SPTA1: variants seen among roughly 807,000 people sequenced by gnomAD.
SPTA1 encodes the protein spectrin alpha, erythrocytic 1.
A neutral mutation model predicts 324.7 loss-of-function variants in SPTA1; 177 were observed. That is an observed-to-expected ratio of 0.55 (90% CI 0.48 to 0.62). The LOEUF (loss-of-function observed/expected upper bound fraction) is 0.62, where lower values mean the gene tolerates loss of function less well. Among genes scored for constraint, SPTA1 ranks in the 20% least tolerant of loss-of-function variants. The pLI is 0.00. For missense variants in SPTA1, 3,162 were observed against 2,883.6 expected (o/e 1.10, Z -2.21); for synonymous variants, 1,195 against 1,041.3 (o/e 1.15, Z -2.84).
At chr1:158,668,790 C>A (rs922311775) in intron 14 of SPTA1, among the ~76,000 whole-genome samples, 1 of 152,030 alleles carries the variant, frequency 6.6e-6, no homozygotes, top group African/African-American at 2.4e-5. Flanking sequence ...TTTCCATAAA[C>A]AAACTAAAGC....
At position 158,610,947 on chromosome 1, in the gene SPTA1, A is replaced by T. The variant is rs866250197; in HGVS notation, c.*317T>A. ...AAGAATTACTTTATTCTATAATCGG[A>T]ATAAAGCAAAATGATAAAGACGTGC... is the stretch of plus-strand genomic sequence containing the variant. On this transcript the variant is annotated 3_prime_UTR_variant, in exon 52 of 52. Coordinates refer to ENST00000643759, the MANE Select transcript of SPTA1 (RefSeq NM_003126.4). 23 of 272,390 alleles carry T rather than the reference A, an allele frequency of 8.4e-5. No individual in the cohort carries two copies. The highest frequency in any genetic ancestry group is 5.1e-4 in the African/African-American group (23 of 45,222). 16.9% of individuals were successfully genotyped at this position (272,390 alleles called of 1,614,324 possible).
intron 25 of SPTA1, among the ~76,000 whole-genome samples, chr1:158,649,423 G>T (rs1213301159): frequency 1.3e-5 from 2 of 152,110 alleles, no homozygotes; most frequent in East Asian, 3.9e-4. Context: ...GGGACCATAG[G>T]CCTGTGCCAC....
At chr1:158,627,434 A>C (rs1172514943) in intron 40 of SPTA1, among the ~76,000 whole-genome samples, 191 bp downstream of exon 40, 2 of 152,226 alleles carry the variant, frequency 1.3e-5, no homozygotes, top group Non-Finnish European at 2.9e-5. Flanking sequence ...AACTTGAAAA[A>C]AGAATTACAG....
chr1:158,653,295 C>A lies in SPTA1; in HGVS notation c.3167G>T (p.Arg1056Leu), dbSNP rs188875641. ...TTACTGGTTCTCAATCTGCTCCTGGCGCTGGGTGATGTTTCCTGGCTCTTC... is the reference window on the plus strand; with the variant it reads ...TTACTGGTTCTCAATCTGCTCCTGGAGCTGGGTGATGTTTCCTGGCTCTTC... The part of the protein sequence containing the change: ...RREEPGNITQ[R>L]QEQIENQYRS... The change falls in exon 22 of 52, where the codon CGC becomes CTC. Residue 1056 changes from arginine to leucine, a missense_variant. Arg to Leu is a moderately radical substitution (Grantham distance 102). Transcript: ENST00000643759. 2.2e-4 allele frequency: 361 copies of A among 1,614,096 alleles called. 1 individual carries two copies. In the African/African-American group the frequency reaches 2.7e-3, roughly 12 times the overall value.
chr1:158,650,710 G>A (rs1652360720), intron 24 of SPTA1, among the ~76,000 whole-genome samples: 1 of 152,216 alleles, frequency 6.6e-6, no homozygotes, highest in Non-Finnish European at 1.5e-5. Context: ...TGAAAGAGAG[G>A]TGAGTATGTG....
intron 39 of SPTA1, among the ~76,000 whole-genome samples, chr1:158,633,829 T>C (rs1477531477): frequency 6.6e-6 from 1 of 152,142 alleles, no homozygotes; most frequent in African/African-American, 2.4e-5. Flanking sequence ...ATTTGAATTA[T>C]ATGTTGTATA....
intron 42 of SPTA1, among the ~76,000 whole-genome samples, chr1:158,623,916 T>C (rs921955570): frequency 3.9e-5 from 6 of 152,190 alleles, no homozygotes; most frequent in Non-Finnish European, 5.9e-5. Context: ...TTGTGTAGCC[T>C]AGTGACTTGG....
intron 36 of SPTA1, among the ~76,000 whole-genome samples, chr1:158,637,516 T>G (rs563358023): frequency 2.0e-4 from 30 of 152,142 alleles, no homozygotes; most frequent in African/African-American, 6.8e-4. Context: ...CTTTGTAATA[T>G]TCTCTATTGA....
At chr1:158,673,621 C>T (rs1654183205) in intron 10 of SPTA1, among the ~76,000 whole-genome samples, 2 of 152,182 alleles carry the variant, frequency 1.3e-5, no homozygotes, top group South Asian at 4.1e-4. Context: ...ATGTCAGATG[C>T]TGTACTAGGC....
chr1:158,627,636 T>G lies in SPTA1; in HGVS notation c.5653A>C (p.Ile1885Leu), dbSNP rs372091356. Residue 1885 changes from isoleucine to leucine, a missense_variant, in exon 40 of 52, where the codon ATC becomes CTC. Ile to Leu is a conservative substitution (Grantham distance 5). Transcript: ENST00000643759. ...VQNVCAQGED[I>L]LNKVLQEESQ... ...CTGAACTAGCTCACCTTATTTAGGA[T>G]GTCTTCTCCTTGTGCACACACATTT... 6.2e-7 allele frequency: 1 copy of G among 1,613,418 alleles called. No homozygotes were observed. The highest frequency in any genetic ancestry group is 1.3e-5 in the African/African-American group (1 of 74,924).
intron 26 of SPTA1, 70 bp from the exon 27 acceptor site, chr1:158,647,790 G>C (rs1382672341): frequency 6.4e-7 from 1 of 1,554,836 alleles, no homozygotes; most frequent in African/African-American, 1.4e-5. Context: ...GGAGAATCCT[G>C]AGTCCCAGTA....
At chr1:158,681,054 G>A (rs78043957) in intron 4 of SPTA1, among the ~76,000 whole-genome samples, 4,897 of 152,140 alleles carry the variant, frequency 0.032, 259 homozygotes, top group African/African-American at 0.11. Flanking sequence ...CAGTATCTAC[G>A]AAAGTATTTT....
chr1:158,646,398 T>C (rs1453925793), intron 27 of SPTA1, among the ~76,000 whole-genome samples: 1 of 152,292 alleles, frequency 6.6e-6, no homozygotes, highest in East Asian at 1.9e-4. Flanking sequence ...ATTGGGTGCT[T>C]ACTAAGTACC....
chr1:158,658,035 T>A (rs1054139990), intron 18 of SPTA1, among the ~76,000 whole-genome samples: 1 of 152,082 alleles, frequency 6.6e-6, no homozygotes, highest in Admixed American at 6.6e-5. Context: ...TTTCTTCCCA[T>A]AAAGGAGTTA....
In SPTA1 at chr1:158,672,084, A is replaced by G. The variant is rs754575328; in HGVS notation, c.1463T>C (p.Val488Ala). 1.9e-6 allele frequency: 3 copies of G among 1,614,024 alleles called. No individual in the cohort carries two copies. The Admixed American group carries it at 5.0e-5, about 27-fold the overall frequency. Residue 488 changes from valine (V) to alanine (A), a missense_variant, in exon 11 of 52, where the codon GTG becomes GCG. Coordinates refer to ENST00000643759, the MANE Select transcript of SPTA1 (RefSeq NM_003126.4). The part of the protein sequence containing the change: ...FHLFYRDSEQ[V>A]DSWMSRQEAF... The stretch of plus-strand genomic sequence containing the variant: ...CTCTTGTCTACTCATCCAACTGTCC[A>G]CTTGCTCACTGTCTCTGTAGAAGAG...
At position 158,676,191 on chromosome 1, in the gene SPTA1, A is replaced by G. The variant is rs1654381390; in HGVS notation, c.1062T>C (p.His354=). 6.2e-7 allele frequency: 1 copy of G among 1,613,774 alleles called. No individual in the cohort carries two copies. Among genetic ancestry groups the G allele is most frequent in the South Asian group, 1.1e-5 (1 of 91,070 alleles). ...ATCTGCTGGTGGCCAGGGCACGAAT[A>G]TGCTCCCAGCTGGAGACCAGATCTT... ...MKEDLVSSWE[H]IRALATSRYE... Residue 354 remains histidine (H), a synonymous_variant, in exon 8 of 52, where the codon CAT becomes CAC. Coordinates refer to ENST00000643759, the MANE Select transcript of SPTA1 (RefSeq NM_003126.4).
rs1175317462 is a variant in SPTA1, at chr1:158,618,112, T to C, written c.6531-56A>G. On this transcript the variant is annotated intron_variant, in intron 45 of 51. Transcript: ENST00000643759. ...ATGAGAGAAAAGGGAGATGATATGT[T>C]AAAATGGATTACTTTAAAGATCTCA... 24 of 1,497,868 alleles carry C rather than the reference T, an allele frequency of 1.6e-5. No individual in the cohort carries two copies. In the Admixed American group the frequency reaches 4.0e-4, roughly 25 times the overall value. The allele number at this position is 1,497,868 out of a possible 1,614,324, so 92.8% of individuals were successfully genotyped here. A position where few individuals can be genotyped will look rare whatever the true frequency, so the allele number is the denominator to read the frequency against.
intron 30 of SPTA1, among the ~76,000 whole-genome samples, chr1:158,643,872 C>T (rs558157298): frequency 2.8e-4 from 43 of 152,188 alleles, no homozygotes; most frequent in African/African-American, 1.0e-3. Flanking sequence ...CACGGTGGCT[C>T]ACTCCTATAA....
At chr1:158,678,575 A>C (rs1654571007) in intron 5 of SPTA1, 41 bp from the exon 6 acceptor site, 1 of 1,605,490 alleles carries the variant, frequency 6.2e-7, no homozygotes, top group South Asian at 1.1e-5. Flanking sequence ...CAGAGATGAG[A>C]TTATATTTAA....
Sources: allele counts gnomAD v4.1 joint callset (sites outside exome capture counted in the v4.1 genomes callset), GRCh38; gene constraint gnomAD v4.1.1; transcripts MANE v1.5; gene names NCBI Gene and HGNC (gene_info 2026-07-23, HGNC 2026-07-21).